The following TXLNB variants were observed in gnomAD, a reference collection of about 807,000 sequenced individuals.
TXLNB encodes beta-taxilin.
TXLNB carries 37 observed loss-of-function variants against 57.4 expected under a neutral mutation model. The ratio of observed to expected loss-of-function variants is 0.64; its 90% CI spans 0.50 to 0.85. TXLNB has a LOEUF of 0.85. Ranked by LOEUF, TXLNB falls within the 40% of genes least tolerant of loss-of-function variation. The pLI is 0.00. For synonymous variants in TXLNB, 302 were observed against 309.6 expected, an observed-to-expected ratio of 0.98 and a Z score of 0.26; for missense variants, 848 against 825.6, an observed-to-expected ratio of 1.03 and a Z score of -0.33.
intron 3 of TXLNB, among the ~76,000 whole-genome samples, chr6:139,275,047 G>GT (rs1776858717): frequency 6.6e-6 from 1 of 152,056 alleles, no homozygotes; most frequent in African/African-American, 2.4e-5. Context: ...TGCTTTGTGA[G>GT]TTTCTACTGC....
the TXLNB span, among the ~76,000 whole-genome samples, chr6:139,198,711 G>T: frequency 1.3e-5 from 2 of 152,060 alleles, no homozygotes; most frequent in South Asian, 4.1e-4. Flanking sequence ...GCATTGTCTT[G>T]GGTCTAGCAG....
chr6:139,163,837 C>A, the TXLNB span, among the ~76,000 whole-genome samples: 1 of 152,112 alleles, frequency 6.6e-6, no homozygotes, highest in Non-Finnish European at 1.5e-5. Flanking sequence ...TCTCATTAGT[C>A]CTAGGGATTT....
chr6:139,187,431 C>CT, the TXLNB span, among the ~76,000 whole-genome samples: 1 of 94,166 alleles, frequency 1.1e-5, no homozygotes, highest in African/African-American at 4.2e-5. Flanking sequence ...AAATCTTTTG[C>CT]TTTTTTTTCC....
chr6:139,303,492 A>G, the TXLNB span, among the ~76,000 whole-genome samples: 3 of 152,168 alleles, frequency 2.0e-5, no homozygotes, highest in Non-Finnish European at 4.4e-5. Context: ...GATGGAATGC[A>G]TTTTCTTTCT....
the TXLNB span, among the ~76,000 whole-genome samples, chr6:139,310,215 G>A: frequency 6.6e-6 from 1 of 152,172 alleles, no homozygotes; most frequent in African/African-American, 2.4e-5. Flanking sequence ...AAAAATAATT[G>A]CAAACCCCAT....
At chr6:139,176,562 C>T in the TXLNB span, among the ~76,000 whole-genome samples, 7 of 152,032 alleles carry the variant, frequency 4.6e-5, no homozygotes, top group Admixed American at 6.5e-5. This position sits in a 1 kb window ranked among gnomAD's most constrained non-coding sequence, Gnocchi z 4.5. Flanking sequence ...TCAAAGAAAA[C>T]GCAACTTTTC....
At chr6:139,239,140 G>T (rs995337897), downstream of TXLNB, 1 of 152,264 alleles carries the variant, frequency 6.6e-6, no homozygotes, top group African/African-American at 2.4e-5. This position sits in a 1 kb window ranked among gnomAD's most constrained non-coding sequence, Gnocchi z 4.7. Context: ...AGGAAATGTG[G>T]TGTTTGAGAA....
intron 6 of TXLNB, 59 bp from the exon 7 acceptor site, chr6:139,255,697 G>T: frequency 7.2e-7 from 1 of 1,391,310 alleles, no homozygotes; most frequent in Non-Finnish European, 1.0e-6. Context: ...ATTACTATTT[G>T]GCTGTAATTT....
chr6:139,213,906 C>T, the TXLNB span, among the ~76,000 whole-genome samples: 1 of 152,036 alleles, frequency 6.6e-6, no homozygotes, highest in Non-Finnish European at 1.5e-5. Context: ...TCGACACATA[C>T]ACTCTCCCAA....
At chr6:139,209,740 GT>G in the TXLNB span, among the ~76,000 whole-genome samples, 1 of 152,130 alleles carries the variant, frequency 6.6e-6, no homozygotes. Context: ...AGACTTAAAT[GT>G]AAGACCTGAA....
At position 139,276,851 on chromosome 6, in the gene TXLNB, T is replaced by TA; in HGVS notation, c.494dup (p.Leu165PhefsTer7). The TA allele has an allele frequency of 4.4e-6, 7 of 1,606,502 alleles. No individual in the cohort carries two copies. The highest frequency in any genetic ancestry group is 5.9e-6 in the Non-Finnish European group (7 of 1,177,788). On this transcript the variant is annotated frameshift_variant, in exon 3 of 10. Coordinates refer to ENST00000358430, the MANE Select transcript of TXLNB (RefSeq NM_153235.4). LOFTEE classifies it high-confidence loss of function. The stretch of plus-strand genomic sequence containing the variant: ...TTACCAATTCAGCATACTTCTTGAA[T>TA]AAAAAATCAAACTTTTCTTCCGGTG...
chr6:139,312,871 GA>G, the TXLNB span, among the ~76,000 whole-genome samples: 1 of 152,144 alleles, frequency 6.6e-6, no homozygotes, highest in Non-Finnish European at 1.5e-5. Context: ...GGCACTGACT[GA>G]AATCTGCACA....
At chr6:139,191,753 A>G in the TXLNB span, among the ~76,000 whole-genome samples, 1 of 152,166 alleles carries the variant, frequency 6.6e-6, no homozygotes, top group African/African-American at 2.4e-5. Flanking sequence ...GGGGCGGTGT[A>G]CCTGGGAGAC....
the TXLNB span, among the ~76,000 whole-genome samples, chr6:139,223,586 A>G: frequency 1.3e-5 from 2 of 152,138 alleles, no homozygotes; most frequent in African/African-American, 4.8e-5. Context: ...AATGAACCCA[A>G]ACAAATTTAC....
the TXLNB span, among the ~76,000 whole-genome samples, chr6:139,218,467 T>C: frequency 5.6e-4 from 85 of 152,108 alleles, no homozygotes; most frequent in African/African-American, 2.0e-3. Flanking sequence ...AGATTCCAAA[T>C]ATAGGCCAGG....
the TXLNB span, among the ~76,000 whole-genome samples, chr6:139,226,391 C>A: frequency 7.2e-6 from 1 of 138,642 alleles, no homozygotes; most frequent in Non-Finnish European, 1.6e-5. Flanking sequence ...TAAAGTAGCA[C>A]AAAGATGACA....
At chr6:139,277,521 A>T (rs959106062) in intron 2 of TXLNB, among the ~76,000 whole-genome samples, 1 of 152,134 alleles carries the variant, frequency 6.6e-6, no homozygotes, top group African/African-American at 2.4e-5. Flanking sequence ...TGGAGTGGGA[A>T]TAACTCTGAT....
intron 7 of TXLNB, among the ~76,000 whole-genome samples, chr6:139,249,204 A>G (rs1268732638): frequency 6.6e-6 from 1 of 152,196 alleles, no homozygotes; most frequent in Non-Finnish European, 1.5e-5. Context: ...AGGGAAGGAG[A>G]GTGTGTAAAT....
rs538798196 is a variant in TXLNB at position 139,275,322 on chromosome 6, G to T, written c.516+1508C>A. 5.3e-5 allele frequency among the ~76,000 whole-genome samples: 8 copies of T among 152,150 alleles called. No individual in the cohort carries two copies. In the South Asian group the frequency reaches 1.7e-3, roughly 32 times the overall value. ...AACTTTTACAAAATATATTTGTGAA[G>T]ACTATATATTATATGGAAAAATGCC... is the stretch of plus-strand genomic sequence containing the variant. On this transcript the variant is annotated intron_variant, in intron 3 of 9. Coordinates refer to ENST00000358430, the MANE Select transcript of TXLNB (RefSeq NM_153235.4).
Sources: gnomAD v4.1 joint callset for allele counts (sites outside exome capture counted in the v4.1 genomes callset) on GRCh38, gnomAD v4.1.1 for gene constraint, Gnocchi (gnomAD v3.1) non-coding constraint, MANE v1.5 for transcripts, NCBI Gene and HGNC (gene_info 2026-07-23, HGNC 2026-07-21) for gene names.